Variants in MEOX2 observed in about 807,000 individuals in gnomAD.
MEOX2 encodes homeobox protein MOX-2.
A neutral mutation model predicts 27.0 loss-of-function variants in MEOX2; 11 were observed. The observed-to-expected ratio is 0.41, with a 90% CI of 0.26 to 0.68. The LOEUF is 0.68. MEOX2 is among the 30% of genes least tolerant of loss of function. The probability of loss-of-function intolerance (pLI) is 0.33; values close to 1 mark genes in which losing one functional copy is unlikely to be tolerated. For missense variants in MEOX2, 436 were observed against 385.4 expected, an observed-to-expected ratio of 1.13 and a Z score of -1.10; for synonymous variants, 189 against 155.4, an observed-to-expected ratio of 1.22 and a Z score of -1.61.
intron 1 of MEOX2, among the ~76,000 whole-genome samples, chr7:15,669,661 C>T (rs1782065832): frequency 6.6e-6 from 1 of 152,226 alleles, no homozygotes; most frequent in South Asian, 2.1e-4. Flanking sequence ...AGATGTTTCA[C>T]GGTATAGACA....
chr7:15,640,206 C>G (rs1583759088), intron 1 of MEOX2, among the ~76,000 whole-genome samples: 1 of 151,158 alleles, frequency 6.6e-6, no homozygotes, highest in East Asian at 1.9e-4. Flanking sequence ...TTAGTTAGGT[C>G]TGTTCTAGGT....
chr7:15,673,402 G>C (rs371281890), intron 1 of MEOX2, among the ~76,000 whole-genome samples: 58 of 152,068 alleles, frequency 3.8e-4, no homozygotes, highest in African/African-American at 1.4e-3. Flanking sequence ...ATATATTACA[G>C]GCTATGGGAT....
In MEOX2 at chr7:15,686,297, T is replaced by C; in HGVS notation, c.106A>G (p.Met36Val). The C allele has an allele frequency of 6.2e-7, 1 of 1,611,346 alleles. No individual in the cohort carries two copies. The highest frequency in any genetic ancestry group is 8.5e-7 in the Non-Finnish European group (1 of 1,178,744). Residue 36 changes from methionine to valine, a missense_variant, in exon 1 of 3, where the codon ATG becomes GTG. Physicochemically the swap from Met to Val is conservative, Grantham distance 21. Coordinates refer to ENST00000262041, the MANE Select transcript of MEOX2 (RefSeq NM_005924.5). ...SLALHGRSDH[M>V]SYPELSTSSS... ...GAAGTAGAGAGCTCGGGGTAAGACATATGGTCAGATCTTCCATGGAGGGCG... is the reference window on the plus strand; with the variant it reads ...GAAGTAGAGAGCTCGGGGTAAGACACATGGTCAGATCTTCCATGGAGGGCG...
In MEOX2 at chr7:15,656,339, T is replaced by C. The variant is rs190366279; in HGVS notation, c.518-29421A>G. ...CTCTGACTTTTAATTGCTATGTTTT[T>C]AGGCCACTAACACTTAATATAATTA... On this transcript the variant is annotated intron_variant, in intron 1 of 2. Coordinates refer to ENST00000262041, the MANE Select transcript of MEOX2 (RefSeq NM_005924.5). 1.5e-3 allele frequency among the ~76,000 whole-genome samples: 224 copies of C among 152,052 alleles called. 1 individual carries two copies. The highest frequency in any genetic ancestry group is 0.014 in the Middle Eastern group (4 of 294).
intron 1 of MEOX2, among the ~76,000 whole-genome samples, chr7:15,665,224 T>C (rs772947010): frequency 1.3e-5 from 2 of 152,064 alleles, no homozygotes; most frequent in Non-Finnish European, 2.9e-5. Flanking sequence ...TTCCTCCAGA[T>C]ACATTGCCAG....
intron 1 of MEOX2, among the ~76,000 whole-genome samples, chr7:15,663,194 A>T (rs1165371954): frequency 3.3e-5 from 5 of 152,234 alleles, no homozygotes; most frequent in African/African-American, 1.2e-4. Flanking sequence ...TAAAAATATC[A>T]GAGATTTCTG....
chr7:15,654,799 T>G (rs1781793169), intron 1 of MEOX2, among the ~76,000 whole-genome samples: 1 of 151,720 alleles, frequency 6.6e-6, no homozygotes, highest in South Asian at 2.1e-4. Flanking sequence ...TGCTATTATT[T>G]TAAGAATTTT....
intron 1 of MEOX2, among the ~76,000 whole-genome samples, chr7:15,657,441 A>G (rs1489252526): frequency 6.6e-6 from 1 of 152,000 alleles, no homozygotes; most frequent in Non-Finnish European, 1.5e-5. Context: ...CACATTCTCC[A>G]GTTTTTCCCT....
chr7:15,642,399 T>G (rs1016170630), intron 1 of MEOX2, among the ~76,000 whole-genome samples: 5 of 152,170 alleles, frequency 3.3e-5, no homozygotes, highest in African/African-American at 1.2e-4. Flanking sequence ...CTGTTTGTTC[T>G]ACTCTACTGC....
chr7:15,632,054 C>T (rs1781413203), intron 1 of MEOX2, among the ~76,000 whole-genome samples: 1 of 151,632 alleles, frequency 6.6e-6, no homozygotes, highest in Non-Finnish European at 1.5e-5. Context: ...AGAATTTATA[C>T]AAAAATAAAA....
intron 1 of MEOX2, among the ~76,000 whole-genome samples, chr7:15,682,230 G>A (rs1323096001): frequency 1.3e-5 from 2 of 151,626 alleles, no homozygotes; most frequent in East Asian, 3.9e-4. Context: ...ATGCTGAAAA[G>A]CCACAATCCA....
At chr7:15,656,694 T>C (rs1321280091) in intron 1 of MEOX2, among the ~76,000 whole-genome samples, 1 of 151,976 alleles carries the variant, frequency 6.6e-6, no homozygotes, top group African/African-American at 2.4e-5. Flanking sequence ...TCAGACAACA[T>C]TATAACTTTT....
rs1205618369 is a variant in MEOX2, at chr7:15,612,057, T to TA, written c.*329dup. ...ATCTTCACTCTGGAGACATCTTGAA[T>TA]AAAAAACCGTTCATAGTTTGCTCTT... On this transcript the variant is annotated 3_prime_UTR_variant, in exon 3 of 3. Transcript: ENST00000262041. The TA allele has an allele frequency of 6.6e-6, 2 of 305,006 alleles. No individual in the cohort carries two copies. The highest frequency in any genetic ancestry group is 4.5e-5 in the Admixed American group (1 of 22,456). The allele number at this position is 305,006 out of a possible 1,614,324, so 18.9% of individuals were successfully genotyped here. A position where few individuals can be genotyped will look rare whatever the true frequency, so the allele number is the denominator to read the frequency against.
At chr7:15,629,796 A>G (rs897343731) in intron 1 of MEOX2, among the ~76,000 whole-genome samples, 24 of 151,854 alleles carry the variant, frequency 1.6e-4, no homozygotes, top group African/African-American at 5.8e-4. Context: ...CAGTTTCCAA[A>G]CCCTATCACT....
chr7:15,612,734 G>C (rs946289174), intron 2 of MEOX2, 123 bp from the exon 3 acceptor site: 14 of 685,762 alleles, frequency 2.0e-5, no homozygotes, highest in Non-Finnish European at 2.7e-5. Flanking sequence ...CACCATGAAG[G>C]AGTGAATAGA....
chr7:15,684,493 C>T (rs1782343823), intron 1 of MEOX2, among the ~76,000 whole-genome samples: 1 of 152,302 alleles, frequency 6.6e-6, no homozygotes, highest in East Asian at 1.9e-4. Context: ...AGTTCACCCC[C>T]TGACCTTGGA....
At chr7:15,658,039 C>T in intron 1 of MEOX2, among the ~76,000 whole-genome samples, 1 of 152,188 alleles carries the variant, frequency 6.6e-6, no homozygotes, top group Non-Finnish European at 1.5e-5. Flanking sequence ...GATAATGCCA[C>T]CTTAGCTGGC....
chr7:15,658,855 A>G (rs988716158), intron 1 of MEOX2, among the ~76,000 whole-genome samples: 1 of 152,234 alleles, frequency 6.6e-6, no homozygotes, highest in Non-Finnish European at 1.5e-5. Flanking sequence ...CAGAACTGTG[A>G]GAAATAAATA....
intron 2 of MEOX2, 96 bp downstream of exon 2, chr7:15,626,650 C>G: frequency 2.3e-6 from 2 of 855,148 alleles, no homozygotes; most frequent in African/African-American, 1.7e-5. Flanking sequence ...AAATGGTATT[C>G]AAGAATTCTG....
Sources: gnomAD v4.1 joint callset for allele counts (sites outside exome capture counted in the v4.1 genomes callset) on GRCh38, gnomAD v4.1.1 for gene constraint, MANE v1.5 for transcripts, NCBI Gene and HGNC (gene_info 2026-07-23, HGNC 2026-07-21) for gene names.